Variants in EED observed in about 807,000 individuals in gnomAD.
The protein encoded by EED is embryonic ectoderm development, also known as polycomb protein EED.
A neutral mutation model predicts 61.0 loss-of-function variants in EED; 9 were observed. The ratio of observed to expected loss-of-function variants is 0.15; its 90% CI spans 0.09 to 0.26. The LOEUF (loss-of-function observed/expected upper bound fraction) is 0.26. Ranked by LOEUF, EED falls within the 10% of genes least tolerant of loss-of-function variation. The pLI is 1.00. For synonymous variants in EED, 187 were observed against 174.4 expected (o/e 1.07, Z -0.57); for missense variants, 315 against 542.3 (o/e 0.58, Z 4.16).
chr11:86,270,355 G>GTTTTTTTTTTT (rs55640335), intron 9 of EED, among the ~76,000 whole-genome samples: 5 of 128,580 alleles, frequency 3.9e-5, no homozygotes, highest in Non-Finnish European at 4.9e-5. Context: ...TTTTTGTTGT[G>GTTTTTTTTTTT]TTTTTTTTTT....
rs1165886207 is a variant in EED at position 86,277,062 on chromosome 11, T to G, written c.1049T>G (p.Val350Gly). 2 of 1,591,184 alleles carry G rather than the reference T, an allele frequency of 1.3e-6. No individual in the cohort carries two copies. Among genetic ancestry groups the G allele is most frequent in the African/African-American group, 2.7e-5 (2 of 74,706 alleles). The change falls in exon 10 of 12, where the codon GTG (valine) becomes GGG (glycine). Residue 350 changes from valine to glycine, a missense_variant. By Grantham distance (109) the Val-to-Gly change is moderately radical (BLOSUM62 -3). This residue lies in a region of EED where 205 missense variants were observed against 455.4 expected (regional missense o/e 0.45). Coordinates refer to ENST00000263360, the MANE Select transcript of EED (RefSeq NM_003797.5). Reference protein sequence around the residue: ...IDKIKPSESNVTILGRFDYSQ... With the variant: ...IDKIKPSESNGTILGRFDYSQ... ...AAAATTAAACCCAGTGAATCTAATGTGACTATTCTTGGGCGATTTGATTAC... is the reference window on the plus strand; with the variant it reads ...AAAATTAAACCCAGTGAATCTAATGGGACTATTCTTGGGCGATTTGATTAC...
chr11:86,253,734 A>G (rs1945593671), intron 3 of EED, among the ~76,000 whole-genome samples: 1 of 152,174 alleles, frequency 6.6e-6, no homozygotes, highest in Non-Finnish European at 1.5e-5. Flanking sequence ...GTTTTTGCTA[A>G]TGTGACTGAC....
At position 86,276,973 on chromosome 11, in the gene EED, G is replaced by C. The variant is rs781641080; in HGVS notation, c.967-7G>C. 2.0e-5 allele frequency: 30 copies of C among 1,512,730 alleles called. No individual in the cohort carries two copies. In the South Asian group the frequency reaches 3.2e-4, roughly 16 times the overall value. The allele number at this position is 1,512,730 out of a possible 1,614,324, so 93.7% of individuals were successfully genotyped here. A position where few individuals can be genotyped will look rare whatever the true frequency, so the allele number is the denominator to read the frequency against. Reference sequence around the variant, plus strand: ...ATTTCTTTTTCTCATTTCTCTCTCTGTTTTAGTCTTGTGAAAATGCCATTG... The same window carrying C: ...ATTTCTTTTTCTCATTTCTCTCTCTCTTTTAGTCTTGTGAAAATGCCATTG... On this transcript the variant is annotated splice_region_variant and splice_polypyrimidine_tract_variant and intron_variant, in intron 9 of 11. Coordinates refer to ENST00000263360, the MANE Select transcript of EED (RefSeq NM_003797.5).
At chr11:86,245,684 A>C (rs947453614) in intron 1 of EED, among the ~76,000 whole-genome samples, 2 of 152,032 alleles carry the variant, frequency 1.3e-5, no homozygotes, top group African/African-American at 4.8e-5. Context: ...GGCACGTTAG[A>C]GACTTTTCTA....
chr11:86,245,453 A>G (rs1945369675), intron 1 of EED, 110 bp downstream of exon 1: 6 of 875,958 alleles, frequency 6.8e-6, no homozygotes, highest in Non-Finnish European at 1.1e-5. Flanking sequence ...GAGAGGTGTC[A>G]CTCAGGAAAA....
intron 8 of EED, among the ~76,000 whole-genome samples, chr11:86,267,271 A>G (rs1459796304): frequency 6.6e-6 from 1 of 152,204 alleles, no homozygotes; most frequent in Non-Finnish European, 1.5e-5. Context: ...TAACATTTTA[A>G]TGTTTCAACA....
chr11:86,268,147 G>A (rs1946029167), intron 8 of EED: 1 of 183,736 alleles, frequency 5.4e-6, no homozygotes, highest in Admixed American at 6.2e-5. Context: ...TTATTGGTTA[G>A]GGTACCCAGA....
intron 2 of EED, among the ~76,000 whole-genome samples, chr11:86,251,807 CT>C (rs1448466325): frequency 1.3e-5 from 2 of 152,106 alleles, no homozygotes; most frequent in African/African-American, 2.4e-5. Context: ...AAATTGTGTC[CT>C]TTTGTATCCA....
chr11:86,251,077 CTA>C (rs1945519833), intron 2 of EED, among the ~76,000 whole-genome samples: 1 of 151,956 alleles, frequency 6.6e-6, no homozygotes, highest in South Asian at 2.1e-4. Context: ...AAATGTGAGG[CTA>C]TTTTTTTCTA....
downstream of EED, among the ~76,000 whole-genome samples, chr11:86,282,426 A>G (rs1946334898): frequency 6.6e-6 from 1 of 152,134 alleles, no homozygotes; most frequent in Non-Finnish European, 1.5e-5. Context: ...ATCTTTTAAT[A>G]CATTTCCATG....
rs1031504382 is a variant in EED at position 86,244,983 on chromosome 11, G to C, written c.-247G>C. 2.3e-6 allele frequency: 1 copy of C among 436,930 alleles called. No homozygotes were observed. The allele number at this position is 436,930 out of a possible 1,614,324, so 27.1% of individuals were successfully genotyped here. ...GCGGCGGGAAAAGGGCAAGACGGGA[G>C]TTGGGGAAGGGAAGGAGCCAGGAAG... On this transcript the variant is annotated 5_prime_UTR_variant, in exon 1 of 12. Coordinates refer to ENST00000263360, the MANE Select transcript of EED (RefSeq NM_003797.5).
chr11:86,266,301 C>T (rs1406156584), intron 8 of EED, 85 bp downstream of exon 8: 1 of 1,225,634 alleles, frequency 8.2e-7, no homozygotes, highest in Non-Finnish European at 1.1e-6. Context: ...CTATATAAGC[C>T]CCAACAATGA....
chr11:86,260,382 A>G (rs1945795921), intron 6 of EED, among the ~76,000 whole-genome samples: 1 of 123,086 alleles, frequency 8.1e-6, no homozygotes. Flanking sequence ...GCACACCACC[A>G]TGCCTGGCTA....
intron 1 of EED, among the ~76,000 whole-genome samples, chr11:86,245,844 C>T (rs1360098680): frequency 6.6e-6 from 1 of 152,160 alleles, no homozygotes; most frequent in Non-Finnish European, 1.5e-5. Context: ...TTTGTGTCCG[C>T]CTCCGTCCTG....
intron 1 of EED, among the ~76,000 whole-genome samples, chr11:86,249,226 T>C (rs1305865327): frequency 2.0e-5 from 3 of 152,206 alleles, no homozygotes; most frequent in Non-Finnish European, 4.4e-5. Context: ...TAAATTACAA[T>C]TCAAATATTT....
chr11:86,281,756 G>A (rs1420876857), downstream of EED, among the ~76,000 whole-genome samples: 3 of 152,186 alleles, frequency 2.0e-5, no homozygotes, highest in Non-Finnish European at 4.4e-5. Context: ...CTGGGTCCAA[G>A]TGATCCATTC....
chr11:86,272,433 G>GT (rs987793590), intron 9 of EED, among the ~76,000 whole-genome samples: 3 of 152,078 alleles, frequency 2.0e-5, no homozygotes, highest in African/African-American at 7.2e-5. Context: ...TTGAGAATTT[G>GT]TTTTATGGCT....
chr11:86,286,077 C>T, the EED span, among the ~76,000 whole-genome samples: 5 of 152,304 alleles, frequency 3.3e-5, no homozygotes, highest in African/African-American at 1.2e-4. Context: ...GTCGCCCAGG[C>T]TGGAATGCAG....
In EED at chr11:86,277,015, C is replaced by G. The variant is rs199620409; in HGVS notation, c.1002C>G (p.Gly334=). ...CENAIVCWKP[G]KMEDDIDKIK... ...ATGCCATTGTGTGCTGGAAACCTGG[C>G]AAGATGGAAGATGATATAGATAAAA... Residue 334 remains glycine, a synonymous_variant, in exon 10 of 12, where the codon GGC becomes GGG. Coordinates refer to ENST00000263360, the MANE Select transcript of EED (RefSeq NM_003797.5). The G allele has an allele frequency of 7.8e-6, 12 of 1,531,174 alleles. No homozygotes were observed. Among genetic ancestry groups the G allele is most frequent in the Non-Finnish European group, 1.1e-5 (12 of 1,127,584 alleles). 94.8% of individuals were successfully genotyped at this position (1,531,174 alleles called of 1,614,324 possible).
Sources: allele counts gnomAD v4.1 joint callset (sites outside exome capture counted in the v4.1 genomes callset), GRCh38; gene constraint gnomAD v4.1.1; regional missense constraint gnomAD v4.1.1; transcripts MANE v1.5; gene names NCBI Gene and HGNC (gene_info 2026-07-23, HGNC 2026-07-21).